GNA14: variants seen among roughly 807,000 people sequenced by gnomAD.
The protein encoded by GNA14 is guanine nucleotide-binding protein subunit alpha-14.
In GNA14, 50 loss-of-function variants were observed where a neutral mutation model predicts 42.0. That is an observed-to-expected ratio of 1.19 (90% confidence interval 0.95 to 1.51). The LOEUF is 1.51. GNA14 is among the 40% of genes most tolerant of loss of function. The pLI is 0.00. For synonymous variants in GNA14, 173 were observed against 163.1 expected, an observed-to-expected ratio of 1.06 and a Z score of -0.46; for missense variants, 473 against 446.2, an observed-to-expected ratio of 1.06 and a Z score of -0.54.
intron 1 of GNA14, among the ~76,000 whole-genome samples, chr9:77,634,698 T>G (rs1824154050): frequency 6.6e-6 from 1 of 152,242 alleles, no homozygotes; most frequent in South Asian, 2.1e-4. Flanking sequence ...CCTGTGTTCC[T>G]TTTATGAACC....
chr9:77,527,967 C>T (rs1257270486), intron 2 of GNA14, among the ~76,000 whole-genome samples: 2 of 152,184 alleles, frequency 1.3e-5, no homozygotes, highest in African/African-American at 2.4e-5. Flanking sequence ...GACTCTGTTA[C>T]AGGGTGAAAT....
intron 4 of GNA14, 42 bp downstream of exon 4, chr9:77,431,279 C>A (rs775034382): frequency 1.9e-6 from 3 of 1,594,424 alleles, no homozygotes; most frequent in South Asian, 2.3e-5. Flanking sequence ...GACTTCCAAG[C>A]CTGGGCAGAT....
At chr9:77,424,515 G>T (rs1034772867) in intron 6 of GNA14, among the ~76,000 whole-genome samples, 1 of 152,172 alleles carries the variant, frequency 6.6e-6, no homozygotes, top group African/African-American at 2.4e-5. Context: ...GAGCCACCGT[G>T]CCTGGCCCCA....
At chr9:77,620,181 C>T (rs896211071) in intron 1 of GNA14, among the ~76,000 whole-genome samples, 6 of 152,134 alleles carry the variant, frequency 3.9e-5, no homozygotes, top group Admixed American at 2.6e-4. Flanking sequence ...AGAGTTAACA[C>T]GGAAACTCAG....
chr9:77,556,423 C>T (rs1021418383), intron 1 of GNA14, among the ~76,000 whole-genome samples: 3 of 152,118 alleles, frequency 2.0e-5, no homozygotes, highest in African/African-American at 7.2e-5. Flanking sequence ...GCAATCCATT[C>T]CTGACCACTG....
At chr9:77,509,643 G>C (rs1400994616) in intron 2 of GNA14, among the ~76,000 whole-genome samples, 1 of 152,188 alleles carries the variant, frequency 6.6e-6, no homozygotes, top group African/African-American at 2.4e-5. Flanking sequence ...ATCACCAGTG[G>C]ATGCTAATGG....
chr9:77,521,729 A>C (rs1837358271), intron 2 of GNA14, among the ~76,000 whole-genome samples: 1 of 152,244 alleles, frequency 6.6e-6, no homozygotes, highest in South Asian at 2.1e-4. Flanking sequence ...TATGTTTTAT[A>C]CTTGATGAAT....
chr9:77,461,045 C>G (rs1246568665), intron 2 of GNA14, among the ~76,000 whole-genome samples: 1 of 152,216 alleles, frequency 6.6e-6, no homozygotes, highest in Non-Finnish European at 1.5e-5. Flanking sequence ...GTTCCATTAG[C>G]TGTGATAAGT....
At chr9:77,622,902 A>T (rs1823951218) in intron 1 of GNA14, among the ~76,000 whole-genome samples, 1 of 139,002 alleles carries the variant, frequency 7.2e-6, no homozygotes, top group Admixed American at 7.2e-5. Context: ...TCAAAAAAAA[A>T]AAAAAAGAAA....
At chr9:77,424,239 T>G in intron 6 of GNA14, 70 bp from the exon 7 acceptor site, 2 of 1,113,630 alleles carry the variant, frequency 1.8e-6, no homozygotes, top group Non-Finnish European at 2.6e-6. Context: ...AACCTTTTTT[T>G]TGAGACAGAG....
chr9:77,527,438 A>C (rs554609117), intron 2 of GNA14, among the ~76,000 whole-genome samples: 1 of 152,318 alleles, frequency 6.6e-6, no homozygotes, highest in South Asian at 2.1e-4. Flanking sequence ...GGACAGTTTT[A>C]AATGCAGCCC....
intron 2 of GNA14, among the ~76,000 whole-genome samples, chr9:77,449,182 T>C (rs1043861136): frequency 2.6e-5 from 4 of 152,340 alleles, no homozygotes; most frequent in East Asian, 1.9e-4. Flanking sequence ...TTAGGAGCAA[T>C]AGGTAACCCA....
intron 2 of GNA14, among the ~76,000 whole-genome samples, chr9:77,435,879 A>G (rs1385446590): frequency 6.6e-6 from 1 of 152,160 alleles, no homozygotes; most frequent in Non-Finnish European, 1.5e-5. Context: ...GCAGGACCCC[A>G]GGCTCTTATT....
intron 1 of GNA14, among the ~76,000 whole-genome samples, chr9:77,601,011 T>G (rs1015883389): frequency 6.6e-6 from 1 of 152,160 alleles, no homozygotes; most frequent in Non-Finnish European, 1.5e-5. Flanking sequence ...GAATCTCCGA[T>G]GCGCCTGCGC....
chr9:77,575,035 G>C (rs1823107927), intron 1 of GNA14, among the ~76,000 whole-genome samples: 1 of 152,186 alleles, frequency 6.6e-6, no homozygotes, highest in South Asian at 2.1e-4. Context: ...CTTTTCTAGA[G>C]GATAGTTTGA....
chr9:77,637,514 A>G (rs901493227), intron 1 of GNA14, among the ~76,000 whole-genome samples: 1 of 152,158 alleles, frequency 6.6e-6, no homozygotes, highest in South Asian at 2.1e-4. Flanking sequence ...GCAACCCTAT[A>G]ATTTTCTTAA....
At chr9:77,433,369 A>AT (rs1554686403) in intron 3 of GNA14, among the ~76,000 whole-genome samples, 2 of 151,892 alleles carry the variant, frequency 1.3e-5, no homozygotes, top group African/African-American at 2.4e-5. Context: ...CCGGGATATT[A>AT]TTATTTATTT....
chr9:77,452,659 T>A (rs1328285237), intron 2 of GNA14, among the ~76,000 whole-genome samples: 2 of 448 alleles, frequency 4.5e-3, no homozygotes, highest in Non-Finnish European at 8.9e-3. Context: ...TTTGTGTGTG[T>A]GTCTGTGTGG....
intron 2 of GNA14, among the ~76,000 whole-genome samples, chr9:77,441,823 C>T (rs549761361): frequency 2.6e-5 from 4 of 152,298 alleles, no homozygotes; most frequent in African/African-American, 7.2e-5. Context: ...TCCAGAATTA[C>T]ACTATGTGTT....
Sources: allele counts gnomAD v4.1 joint callset (sites outside exome capture counted in the v4.1 genomes callset), GRCh38; gene constraint gnomAD v4.1.1; transcripts MANE v1.5; gene names NCBI Gene and HGNC (gene_info 2026-07-23, HGNC 2026-07-21).